The following CPNE4 variants were observed in gnomAD, a reference collection of about 807,000 sequenced individuals.
The protein encoded by CPNE4 is copine 4.
Under a neutral mutation model 67.9 loss-of-function variants are expected in CPNE4, and 25 were observed. The ratio of observed to expected loss-of-function variants is 0.37; its 90% CI spans 0.27 to 0.51. The LOEUF is 0.51. Among genes scored for constraint, CPNE4 ranks in the 20% least tolerant of loss-of-function variants. The pLI is 0.93. For missense variants in CPNE4, 464 were observed against 690.8 expected (o/e 0.67, Z 3.68); for synonymous variants, 242 against 244.9 (o/e 0.99, Z 0.11).
At chr3:131,742,514 C>CAT (rs1413463320) in intron 2 of CPNE4, among the ~76,000 whole-genome samples, 1 of 152,072 alleles carries the variant, frequency 6.6e-6, no homozygotes, top group Non-Finnish European at 1.5e-5. Flanking sequence ...CATATACATA[C>CAT]ATATATATGT....
chr3:131,717,860 C>CTTTCCTCCCTCCCTCCTTT (rs2081743376), intron 3 of CPNE4, among the ~76,000 whole-genome samples: 1 of 524 alleles, frequency 1.9e-3, no homozygotes, highest in Non-Finnish European at 0.011. Flanking sequence ...CTCGCTCCCT[C>CTTTCCTCCCTCCCTCCTTT]CTTTCTTTCT....
rs957708300 is a variant in CPNE4 at position 131,629,602 on chromosome 3, G to A, written c.681+40073C>T. ...TGGGATTACAGGCATGCACCACCAC[G>A]CTTGGCTAATTTTTGTATTTTTAGT... On this transcript the variant is annotated intron_variant, in intron 7 of 15. Transcript: ENST00000429747. Among the ~76,000 whole-genome samples the A allele has an allele frequency of 7.2e-5, 11 of 152,042 alleles. No homozygotes were observed. In the South Asian group the frequency reaches 2.1e-3, roughly 29 times the overall value.
chr3:131,545,052 T>C lies in CPNE4; in HGVS notation c.1303-2259A>G, dbSNP rs149077585. Among the ~76,000 whole-genome samples the C allele has an allele frequency of 8.5e-4, 129 of 152,318 alleles. 1 individual carries two copies. The highest frequency in any genetic ancestry group is 2.9e-3 in the African/African-American group (120 of 41,566). ...TTTGTCAAGGGACATTAATAAGTAT[T>C]TTAGGCTTTGTAGACCATAATGGTC... On this transcript the variant is annotated intron_variant, in intron 14 of 15. Transcript: ENST00000429747.
intron 7 of CPNE4, among the ~76,000 whole-genome samples, chr3:131,629,790 C>G (rs1417048818): frequency 1.3e-5 from 2 of 152,092 alleles, no homozygotes; most frequent in African/African-American, 4.8e-5. Context: ...ATCCCCAAAT[C>G]TGTGTGACTC....
At chr3:131,853,882 C>T (rs1022581668) in intron 2 of CPNE4, among the ~76,000 whole-genome samples, 1 of 151,816 alleles carries the variant, frequency 6.6e-6, no homozygotes, top group African/African-American at 2.4e-5. Context: ...AAAACACTGA[C>T]AATATCAAAT....
At chr3:131,556,049 A>AT (rs1359177608) in intron 11 of CPNE4, among the ~76,000 whole-genome samples, 1 of 152,042 alleles carries the variant, frequency 6.6e-6, no homozygotes, top group Non-Finnish European at 1.5e-5. Context: ...TAGAGTTCAA[A>AT]TACAGATAAG....
chr3:131,539,317 A>G (rs543025146), intron 15 of CPNE4, among the ~76,000 whole-genome samples: 22 of 152,256 alleles, frequency 1.4e-4, no homozygotes, highest in African/African-American at 5.1e-4. Flanking sequence ...TCTTGTTGAC[A>G]ATGTCCCCAA....
At chr3:131,601,651 G>T (rs530938733) in intron 7 of CPNE4, among the ~76,000 whole-genome samples, 1 of 152,294 alleles carries the variant, frequency 6.6e-6, no homozygotes, top group African/African-American at 2.4e-5. Context: ...TTTGCTGGGA[G>T]CCTGAAGGGA....
At chr3:131,686,092 G>A (rs2080881769) in intron 5 of CPNE4, 134 bp from the exon 6 acceptor site, 1 of 602,596 alleles carries the variant, frequency 1.7e-6, no homozygotes. Flanking sequence ...GGCCATGCTT[G>A]TCCTCTCTTC....
rs528717739 is a variant in CPNE4 at position 131,706,068 on chromosome 3, C to T, written c.361-6088G>A. Among the ~76,000 whole-genome samples the T allele has an allele frequency of 4.6e-5, 7 of 152,274 alleles. No homozygotes were observed. In the East Asian group the frequency reaches 5.8e-4, roughly 13 times the overall value. ...TAATGTCCTGGCCAGAGCATTTTGT[C>T]GGGTCAAGGGCACATGGTATCTTTT... On this transcript the variant is annotated intron_variant, in intron 3 of 15. Transcript: ENST00000429747.
chr3:131,645,600 A>G (rs1233873353), intron 7 of CPNE4, among the ~76,000 whole-genome samples: 1 of 152,206 alleles, frequency 6.6e-6, no homozygotes, highest in Non-Finnish European at 1.5e-5. Flanking sequence ...AAAAGATCCA[A>G]AGTTTCAAAT....
intron 12 of CPNE4, among the ~76,000 whole-genome samples, chr3:131,555,126 G>A (rs1256611021): frequency 6.6e-6 from 1 of 151,958 alleles, no homozygotes; most frequent in Non-Finnish European, 1.5e-5. Flanking sequence ...CCATTGTCAC[G>A]GACTTTCCCA....
intron 1 of CPNE4, among the ~76,000 whole-genome samples, chr3:132,005,043 G>A (rs184829314): frequency 1.4e-4 from 22 of 151,940 alleles, no homozygotes; most frequent in Non-Finnish European, 1.3e-4. Flanking sequence ...CCAATAAGAT[G>A]TGACCAGAAC....
At chr3:131,715,549 C>T (rs777634355) in intron 3 of CPNE4, among the ~76,000 whole-genome samples, 14 of 152,178 alleles carry the variant, frequency 9.2e-5, no homozygotes, top group Non-Finnish European at 1.8e-4. Flanking sequence ...TCTCAGTTTC[C>T]TCAGCTGTAA....
intron 2 of CPNE4, among the ~76,000 whole-genome samples, chr3:131,811,195 C>A (rs2084512362): frequency 6.6e-6 from 1 of 151,634 alleles, no homozygotes; most frequent in Non-Finnish European, 1.5e-5. Context: ...TTACCACACA[C>A]ATACACATAT....
intron 2 of CPNE4, among the ~76,000 whole-genome samples, chr3:131,830,042 T>C (rs2085307930): frequency 6.6e-6 from 1 of 152,184 alleles, no homozygotes; most frequent in South Asian, 2.1e-4. Flanking sequence ...ACACTTTACA[T>C]ATTTTTCTTC....
chr3:131,549,284 A>C (rs1020081763), intron 14 of CPNE4, among the ~76,000 whole-genome samples: 2 of 152,144 alleles, frequency 1.3e-5, no homozygotes, highest in Non-Finnish European at 2.9e-5. Flanking sequence ...CCCAGGATAA[A>C]ATTACAGAGC....
chr3:131,848,271 A>T (rs2086081901), intron 2 of CPNE4, among the ~76,000 whole-genome samples: 1 of 152,140 alleles, frequency 6.6e-6, no homozygotes, highest in Admixed American at 6.5e-5. Context: ...CAAGCAAATA[A>T]AAAAGGGAAA....
intron 3 of CPNE4, among the ~76,000 whole-genome samples, chr3:131,708,957 G>GATATATAT (rs202119937): frequency 0.04 from 2,592 of 65,390 alleles, 269 homozygotes; most frequent in East Asian, 0.075. Context: ...AGGGCATAAA[G>GATATATAT]ATATATATAT....
Sources: gnomAD v4.1 joint callset for allele counts (sites outside exome capture counted in the v4.1 genomes callset) on GRCh38, gnomAD v4.1.1 for gene constraint, MANE v1.5 for transcripts, NCBI Gene and HGNC (gene_info 2026-07-23, HGNC 2026-07-21) for gene names.